Variants in SDK2 observed in about 807,000 individuals in gnomAD.
SDK2 encodes the protein sidekick cell adhesion molecule 2, also known as protein sidekick-2.
A neutral mutation model predicts 253.9 loss-of-function variants in SDK2; 105 were observed. The observed-to-expected ratio is 0.41, with a 90% CI of 0.35 to 0.49. The LOEUF is 0.49. Among genes scored for constraint, SDK2 ranks in the 20% least tolerant of loss-of-function variants. The pLI is 0.06. For synonymous variants in SDK2, 1,249 were observed against 1,234.9 expected (o/e 1.01, Z -0.24); for missense variants, 2,608 against 3,003.0 (o/e 0.87, Z 3.07).
intron 18 of SDK2, among the ~76,000 whole-genome samples, chr17:73,408,670 T>C (rs192128056): frequency 6.7e-4 from 102 of 152,116 alleles, no homozygotes; most frequent in Non-Finnish European, 1.2e-3. Flanking sequence ...CTGTGGAAAA[T>C]TCTGTTGGAC....
chr17:73,497,728 G>A (rs956356441), intron 2 of SDK2, among the ~76,000 whole-genome samples: 5 of 151,460 alleles, frequency 3.3e-5, no homozygotes, highest in African/African-American at 4.9e-5. Flanking sequence ...TCTTCCACCC[G>A]CTTCTCACCC....
chr17:73,342,694 T>C (rs1397247569), intron 44 of SDK2, among the ~76,000 whole-genome samples: 1 of 152,138 alleles, frequency 6.6e-6, no homozygotes, highest in Non-Finnish European at 1.5e-5. Context: ...TGTGGGACCA[T>C]CCCACAGTGA....
chr17:73,346,097 T>C (rs1447641915), intron 44 of SDK2, among the ~76,000 whole-genome samples: 1 of 151,806 alleles, frequency 6.6e-6, no homozygotes, highest in Non-Finnish European at 1.5e-5. Flanking sequence ...TCCCAGCCAC[T>C]TGGGAGGCTG....
intron 40 of SDK2, among the ~76,000 whole-genome samples, chr17:73,355,174 A>ATATATATATATATATATATATATATATT: frequency 5.9e-4 from 28 of 47,186 alleles, no homozygotes; most frequent in East Asian, 8.5e-4. Flanking sequence ...ATATATATAT[A>ATATATATATATATATATATATATATATT]TTTTTTTTTT....
chr17:73,442,369 T>G (rs1241350520), intron 5 of SDK2, among the ~76,000 whole-genome samples: 2 of 150,448 alleles, frequency 1.3e-5, no homozygotes, highest in South Asian at 2.1e-4. Context: ...TTGGACGGAG[T>G]CTGGCTCTGT....
At chr17:73,551,977 A>G (rs1052335984) in intron 1 of SDK2, among the ~76,000 whole-genome samples, 1 of 152,244 alleles carries the variant, frequency 6.6e-6, no homozygotes, top group Non-Finnish European at 1.5e-5. Flanking sequence ...CCAGACTGAT[A>G]GATGGGTGAA....
Position 73,467,004 on chromosome 17 carries a change from C to A in SDK2, c.331+5108G>T, listed in dbSNP as rs1396831407. Among the ~76,000 whole-genome samples the A allele has an allele frequency of 1.3e-5, 2 of 152,134 alleles. No individual in the cohort carries two copies. The highest frequency in any genetic ancestry group is 2.9e-5 in the Non-Finnish European group (2 of 68,044). The stretch of plus-strand genomic sequence containing the variant: ...CGTTATTTCAGGCACAAGGGCCATG[C>A]CTGGCACACGGAAGAACCCTGGAGC... On this transcript the variant is annotated intron_variant, in intron 3 of 44. Transcript: ENST00000392650. This position sits in a 1 kb window ranked among gnomAD's most constrained non-coding sequence, Gnocchi z 4.1.
At position 73,338,768 on chromosome 17, in the gene SDK2, G is replaced by C; in HGVS notation, c.6338C>G (p.Thr2113Ser). Residue 2113 changes from threonine to serine, a missense_variant, in exon 45 of 45, where the codon ACC becomes AGC. This residue lies in a region of SDK2 where 1,103 missense variants were observed against 1,143.9 expected (regional missense o/e 0.96). Coordinates refer to ENST00000392650, the MANE Select transcript of SDK2 (RefSeq NM_001144952.2). The surrounding 1 kb of genome is among the most constrained non-coding windows in gnomAD (Gnocchi z 5.0). ...GGTGCTGGTGCTGTTGGTGACGGTG[G>C]TGTGGTCTGGCTCACCCGAGTCGCT... ...TESDSGEPDH[T>S]TVTNSTSTQQ... 5.6e-6 allele frequency: 9 copies of C among 1,613,890 alleles called. No homozygotes were observed. The highest frequency in any genetic ancestry group is 7.6e-6 in the Non-Finnish European group (9 of 1,179,874).
At chr17:73,414,051 CTT>C (rs767123645) in intron 18 of SDK2, among the ~76,000 whole-genome samples, 15 of 143,650 alleles carry the variant, frequency 1.0e-4, no homozygotes, top group South Asian at 2.2e-4. Context: ...TCTCTCTCTT[CTT>C]TTTTTTTTTT....
chr17:73,375,230 CTTTTTTTTTTTTTT>C (rs33992958), intron 36 of SDK2, among the ~76,000 whole-genome samples: 21 of 58,656 alleles, frequency 3.6e-4, no homozygotes, highest in African/African-American at 7.7e-4. Flanking sequence ...TCCTAACAAC[CTTTTTTTTTTTTTT>C]TTTTTTTTTT....
intron 1 of SDK2, among the ~76,000 whole-genome samples, chr17:73,631,698 G>T (rs1334215157): frequency 6.6e-6 from 1 of 152,222 alleles, no homozygotes; most frequent in Non-Finnish European, 1.5e-5. Flanking sequence ...CCTTAGTGAT[G>T]CATGGGGAAG....
At position 73,379,353 on chromosome 17, in the gene SDK2, G is replaced by T; in HGVS notation, c.4865-61C>A. 2.7e-6 allele frequency: 4 copies of T among 1,456,778 alleles called. No homozygotes were observed. The highest frequency in any genetic ancestry group is 1.2e-5 in the South Asian group (1 of 81,566). The allele number at this position is 1,456,778 out of a possible 1,614,324, so 90.2% of individuals were successfully genotyped here. On this transcript the variant is annotated intron_variant, in intron 35 of 44. Transcript: ENST00000392650. The surrounding 1 kb of genome is among the most constrained non-coding windows in gnomAD (Gnocchi z 4.5). ...GTAAACCTGGGAGGGGAGGTGGGCT[G>T]GGCGGGATGGGGAGCCCAGATCCCG...
intron 30 of SDK2, 54 bp from the exon 31 acceptor site, chr17:73,386,602 C>G: frequency 3.9e-6 from 5 of 1,271,450 alleles, no homozygotes; most frequent in Non-Finnish European, 5.6e-6. Context: ...AGGCCTCGCC[C>G]CATGCTCCCA....
At chr17:73,532,309 C>T (rs1035051142) in intron 1 of SDK2, among the ~76,000 whole-genome samples, 18 of 151,952 alleles carry the variant, frequency 1.2e-4, no homozygotes, top group Non-Finnish European at 2.6e-4. Context: ...CCATTCCCAC[C>T]TCCAGGGCCT....
chr17:73,606,692 G>C (rs1418166779), intron 1 of SDK2, among the ~76,000 whole-genome samples: 2 of 151,932 alleles, frequency 1.3e-5, no homozygotes, highest in South Asian at 4.2e-4. Flanking sequence ...GGAAAGTCAC[G>C]ATCGACTCTA....
At chr17:73,355,628 G>A (rs1475534980) in intron 40 of SDK2, among the ~76,000 whole-genome samples, 1 of 152,150 alleles carries the variant, frequency 6.6e-6, no homozygotes, top group Non-Finnish European at 1.5e-5. Context: ...TTACAGGCGT[G>A]AGCCACCGTG....
chr17:73,605,204 A>G (rs200417412), intron 1 of SDK2, among the ~76,000 whole-genome samples: 1 of 151,976 alleles, frequency 6.6e-6, no homozygotes, highest in East Asian at 1.9e-4. Context: ...CGGCCCCTTC[A>G]AGAGGTTGAG....
intron 3 of SDK2, 60 bp downstream of exon 3, chr17:73,472,052 G>A: frequency 8.1e-7 from 1 of 1,237,340 alleles, no homozygotes; most frequent in Admixed American, 2.0e-5. Flanking sequence ...GATGTGGCTG[G>A]TGGGTGCCAC....
At chr17:73,449,294 T>C (rs939288331) in intron 4 of SDK2, among the ~76,000 whole-genome samples, 1 of 152,238 alleles carries the variant, frequency 6.6e-6, no homozygotes, top group Non-Finnish European at 1.5e-5. Context: ...TTTAATGCGA[T>C]GGGCCTGAGA....
Sources: gnomAD v4.1 joint callset for allele counts (sites outside exome capture counted in the v4.1 genomes callset) on GRCh38, gnomAD v4.1.1 for gene constraint, gnomAD v4.1.1 regional missense constraint, Gnocchi (gnomAD v3.1) non-coding constraint, MANE v1.5 for transcripts, NCBI Gene and HGNC (gene_info 2026-07-23, HGNC 2026-07-21) for gene names.